TRPM6: variants seen among roughly 807,000 people sequenced by gnomAD.
TRPM6 encodes the protein channel kinase 2.
Under a neutral mutation model 247.6 loss-of-function variants are expected in TRPM6, and 111 were observed. The observed-to-expected ratio is 0.45, with a 90% CI of 0.38 to 0.52. The LOEUF (loss-of-function observed/expected upper bound fraction) is 0.52. Among genes scored for constraint, TRPM6 ranks in the 20% least tolerant of loss-of-function variants. The pLI is 0.00. For missense variants in TRPM6, 2,126 were observed against 2,421.5 expected (o/e 0.88, Z 2.56); for synonymous variants, 892 against 853.8 (o/e 1.04, Z -0.78).
chr9:74,802,182 GA>G lies in TRPM6; in HGVS notation c.1732-8del. The G allele has an allele frequency of 6.2e-7, 1 of 1,612,846 alleles. No homozygotes were observed. On this transcript the variant is annotated splice_polypyrimidine_tract_variant and splice_region_variant and intron_variant, in intron 15 of 38. Coordinates refer to ENST00000360774, the MANE Select transcript of TRPM6 (RefSeq NM_017662.5). ...GAAGGACTATAGACTTTTCCTGTTG[GA>G]AAATAAAATAGGAATGAGTTTTCAA...
In TRPM6 at chr9:74,755,310, C is replaced by T. The variant is rs199952897; in HGVS notation, c.4906+43G>A. The T allele has an allele frequency of 2.5e-6, 4 of 1,611,728 alleles. No homozygotes were observed. The East Asian group carries it at 6.7e-5, about 27-fold the overall frequency. On this transcript the variant is annotated intron_variant, in intron 28 of 38. Transcript: ENST00000360774. ...TCTAAAGACCGTACCCTGAGAAAACCCCACCAGGGTTTTTGGGATCCAAAA... is the reference window on the plus strand; with the variant it reads ...TCTAAAGACCGTACCCTGAGAAAACTCCACCAGGGTTTTTGGGATCCAAAA...
chr9:74,755,476 G>A lies in TRPM6; in HGVS notation c.4786-3C>T. On this transcript the variant is annotated splice_region_variant and splice_polypyrimidine_tract_variant and intron_variant, in intron 27 of 38. Coordinates refer to ENST00000360774, the MANE Select transcript of TRPM6 (RefSeq NM_017662.5). ...GAGCAGGCATTGACTGTTATGATCT[G>A]GAGAGAAAGACACTTGTTGGAACAC... The A allele has an allele frequency of 6.2e-7, 1 of 1,613,978 alleles. No individual in the cohort carries two copies. The highest frequency in any genetic ancestry group is 1.1e-5 in the South Asian group (1 of 91,080).
chr9:74,740,641 A>G (rs1825832752), intron 33 of TRPM6, among the ~76,000 whole-genome samples: 1 of 152,198 alleles, frequency 6.6e-6, no homozygotes, highest in South Asian at 2.1e-4. Flanking sequence ...TTGTGCACAA[A>G]ACAAAGTTTT....
At chr9:74,869,143 A>G (rs1264090250) in intron 1 of TRPM6, among the ~76,000 whole-genome samples, 1 of 152,170 alleles carries the variant, frequency 6.6e-6, no homozygotes, top group Non-Finnish European at 1.5e-5. Context: ...TGTAAAACAG[A>G]GGAGATAGGT....
chr9:74,725,466 A>T (rs1383856534), intron 38 of TRPM6, among the ~76,000 whole-genome samples: 3 of 152,114 alleles, frequency 2.0e-5, no homozygotes, highest in African/African-American at 7.2e-5. Context: ...ATGTAAATTG[A>T]TATGGTTTGG....
chr9:74,832,983 G>C lies in TRPM6; in HGVS notation c.669+1015C>G, dbSNP rs369860035. 8.5e-5 allele frequency among the ~76,000 whole-genome samples: 13 copies of C among 152,114 alleles called. No individual in the cohort carries two copies. The East Asian group carries it at 2.5e-3, about 29-fold the overall frequency. ...AGAGAATTGCTTGAACCCAGGAGGT[G>C]GAGATTGCAGTGAGCCAAGACTGCG... On this transcript the variant is annotated intron_variant, in intron 6 of 38. Transcript: ENST00000360774.
Position 74,843,558 on chromosome 9 carries a change from C to T in TRPM6, c.153-1215G>A, listed in dbSNP as rs565049235. Among the ~76,000 whole-genome samples, 6 of 152,076 alleles carry T rather than the reference C, an allele frequency of 3.9e-5. No homozygotes were observed. The East Asian group carries it at 1.2e-3, about 29-fold the overall frequency. On this transcript the variant is annotated intron_variant, in intron 3 of 38. Transcript: ENST00000360774. The stretch of plus-strand genomic sequence containing the variant: ...GTGCGGTGGCTCACGCCTGTAATCC[C>T]AGCACTTTGGGAGGCCGAGGCGGGT...
chr9:74,800,665 C>G (rs907141338), intron 16 of TRPM6, among the ~76,000 whole-genome samples, 183 bp from the exon 17 acceptor site: 3 of 149,156 alleles, frequency 2.0e-5, no homozygotes, highest in African/African-American at 7.4e-5. Context: ...ACTTAATAAT[C>G]TTAGTTTCCA....
intron 1 of TRPM6, among the ~76,000 whole-genome samples, chr9:74,869,402 G>A (rs756258194): frequency 6.6e-6 from 1 of 151,160 alleles, no homozygotes; most frequent in Admixed American, 6.6e-5. Flanking sequence ...CCCAGGAGGC[G>A]GAGGTAACGC....
In TRPM6 at chr9:74,803,875, G is replaced by A. The variant is rs757917188; in HGVS notation, c.1650C>T (p.His550=). Residue 550 remains histidine (H), a synonymous_variant, in exon 15 of 39, where the codon CAC becomes CAT. Coordinates refer to ENST00000360774, the MANE Select transcript of TRPM6 (RefSeq NM_017662.5). ...CAGACTCATTTCTATTTCCTGAGGA[G>A]TGTCTCTGGTGCTGGGAAAGGTTTT... ...NLYRKYKHQR[H]SSGNRNESAE... The A allele has an allele frequency of 1.2e-6, 2 of 1,610,778 alleles. No individual in the cohort carries two copies. Among genetic ancestry groups the A allele is most frequent in the Non-Finnish European group, 1.7e-6 (2 of 1,176,978 alleles).
At chr9:74,824,546 A>G (rs7872549) in intron 7 of TRPM6, among the ~76,000 whole-genome samples, 5,139 of 116,826 alleles carry the variant, frequency 0.044, 334 homozygotes, top group African/African-American at 0.15. Context: ...AAAAAAAAAA[A>G]TCTTACTGAT....
intron 29 of TRPM6, 80 bp downstream of exon 29, chr9:74,752,197 C>T (rs1262527934): frequency 1.3e-6 from 1 of 777,232 alleles, no homozygotes; most frequent in Non-Finnish European, 2.2e-6. Context: ...AATTAAGGGA[C>T]ATAAAGGTAA....
At chr9:74,863,665 T>C (rs768337373) in intron 1 of TRPM6, among the ~76,000 whole-genome samples, 3 of 152,094 alleles carry the variant, frequency 2.0e-5, no homozygotes, top group Non-Finnish European at 2.9e-5. Flanking sequence ...CACTGCGAGC[T>C]CCGCCTCCCG....
At chr9:74,849,368 A>T (rs1830216496) in intron 3 of TRPM6, among the ~76,000 whole-genome samples, 1 of 151,930 alleles carries the variant, frequency 6.6e-6, no homozygotes, top group Non-Finnish European at 1.5e-5. Context: ...AAAAAAAAAA[A>T]AAAGTTAAGT....
At chr9:74,879,101 G>T (rs1176120431) in intron 1 of TRPM6, among the ~76,000 whole-genome samples, 2 of 151,676 alleles carry the variant, frequency 1.3e-5, no homozygotes, top group Non-Finnish European at 2.9e-5. Flanking sequence ...GGATACAAAT[G>T]AAAAATTGAC....
In TRPM6 at chr9:74,810,835, G is replaced by C; in HGVS notation, c.1477C>G (p.Leu493Val). 1 of 1,613,794 alleles carries C rather than the reference G, an allele frequency of 6.2e-7. No individual in the cohort carries two copies. The highest frequency in any genetic ancestry group is 1.1e-5 in the South Asian group (1 of 91,072). ...GTTACCTGTTTCACATCTTGGACGA[G>C]ATGATGCAAGAGTGTATTAGTAGGT... ...QGPTNTLLHH[L>V]VQDVKQHTLL... The change falls in exon 13 of 39, where the codon CTC (leucine) becomes GTC (valine). Residue 493 changes from leucine (L) to valine (V), a missense_variant. Leu to Val is a conservative substitution (Grantham distance 32). This residue lies in a region of TRPM6 where 1,082 missense variants were observed against 1,307.9 expected (regional missense o/e 0.83). Coordinates refer to ENST00000360774, the MANE Select transcript of TRPM6 (RefSeq NM_017662.5).
chr9:74,810,032 C>G (rs1262153753), intron 13 of TRPM6, among the ~76,000 whole-genome samples: 1 of 149,498 alleles, frequency 6.7e-6, no homozygotes, highest in East Asian at 2.0e-4. Context: ...CACTCTGGCT[C>G]TCTCTCCACG....
chr9:74,875,551 A>G (rs1351866810), intron 1 of TRPM6, among the ~76,000 whole-genome samples: 1 of 152,150 alleles, frequency 6.6e-6, no homozygotes, highest in Non-Finnish European at 1.5e-5. Flanking sequence ...TCAAAAAATT[A>G]AAAATAATAA....
At position 74,727,743 on chromosome 9, in the gene TRPM6, A is replaced by G. The variant is rs568497442; in HGVS notation, c.5935+496T>C. Among the ~76,000 whole-genome samples the G allele has an allele frequency of 5.3e-5, 8 of 152,158 alleles. No individual in the cohort carries two copies. The East Asian group carries it at 7.7e-4, about 15-fold the overall frequency. On this transcript the variant is annotated intron_variant, in intron 38 of 38. Transcript: ENST00000360774. ...ATTATCAAATCAGATTTAAAAAAATATATGTTGCAATGTGTGTTCAAAGTA... is the reference window on the plus strand; with the variant it reads ...ATTATCAAATCAGATTTAAAAAAATGTATGTTGCAATGTGTGTTCAAAGTA...
Sources: allele counts gnomAD v4.1 joint callset (sites outside exome capture counted in the v4.1 genomes callset), GRCh38; gene constraint gnomAD v4.1.1; regional missense constraint gnomAD v4.1.1; transcripts MANE v1.5; gene names NCBI Gene and HGNC (gene_info 2026-07-23, HGNC 2026-07-21).